SEMA6D: variants seen among roughly 807,000 people sequenced by gnomAD.
SEMA6D encodes the protein semaphorin 6D.
SEMA6D carries 35 observed loss-of-function variants against 106.6 expected under a neutral mutation model. The ratio of observed to expected loss-of-function variants is 0.33; its 90% CI spans 0.25 to 0.44. The LOEUF (loss-of-function observed/expected upper bound fraction) is 0.44. Ranked by LOEUF, SEMA6D falls within the 20% of genes least tolerant of loss-of-function variation. The pLI, the probability that SEMA6D is intolerant of heterozygous loss-of-function variation, is 1.00. For synonymous variants in SEMA6D, 499 were observed against 487.7 expected (o/e 1.02, Z -0.31); for missense variants, 1,185 against 1,345.9 (o/e 0.88, Z 1.87).
At chr15:47,521,829 C>T (rs989990840) in intron 3 of SEMA6D, among the ~76,000 whole-genome samples, 2 of 152,066 alleles carry the variant, frequency 1.3e-5, no homozygotes, top group Admixed American at 6.5e-5. Context: ...ACTAAAAATA[C>T]AAAAACTTAG....
chr15:47,689,206 T>C (rs1419737670), intron 4 of SEMA6D, among the ~76,000 whole-genome samples: 1 of 152,168 alleles, frequency 6.6e-6, no homozygotes, highest in Non-Finnish European at 1.5e-5. Context: ...ATATTCAGAT[T>C]CTTAAAATAT....
intron 2 of SEMA6D, among the ~76,000 whole-genome samples, chr15:47,445,888 G>C (rs967172076): frequency 6.6e-6 from 1 of 152,004 alleles, no homozygotes; most frequent in Non-Finnish European, 1.5e-5. Context: ...AGCTCACCTC[G>C]GACGCAGTTA....
chr15:47,765,448 A>G (rs1050067384), intron 13 of SEMA6D: 1 of 996,392 alleles, frequency 1.0e-6, no homozygotes, highest in Non-Finnish European at 1.2e-6. Flanking sequence ...TTTCCTTCCT[A>G]TCTTTAATAA....
At chr15:47,451,966 C>A (rs2042207540) in intron 2 of SEMA6D, among the ~76,000 whole-genome samples, 1 of 151,984 alleles carries the variant, frequency 6.6e-6, no homozygotes, top group African/African-American at 2.4e-5. Flanking sequence ...CATTGAATTG[C>A]TGTTCACTCC....
At chr15:47,366,038 G>A (rs1490989484) in intron 1 of SEMA6D, among the ~76,000 whole-genome samples, 4 of 152,168 alleles carry the variant, frequency 2.6e-5, no homozygotes, top group Non-Finnish European at 5.9e-5. Flanking sequence ...GATGACCTGG[G>A]TCAGTTATGA....
At chr15:47,535,096 CACACAAAAAA>C (rs1185918634) in intron 3 of SEMA6D, among the ~76,000 whole-genome samples, 108 of 148,274 alleles carry the variant, frequency 7.3e-4, no homozygotes, top group African/African-American at 1.5e-3. Flanking sequence ...CAAAAACACA[CACACAAAAAA>C]ACACAAAAAA....
At chr15:47,769,283 C>T (rs1272232126) in intron 18 of SEMA6D, among the ~76,000 whole-genome samples, 2 of 152,050 alleles carry the variant, frequency 1.3e-5, no homozygotes, top group Non-Finnish European at 2.9e-5. Context: ...AAATAGCTGC[C>T]TGTTGAGTTA....
chr15:47,763,935 T>G lies in SEMA6D; in HGVS notation c.833T>G (p.Leu278Arg). ...RVLEKHWTSF[L>R]KARLNCSVPG... ...CTGGAGAAACACTGGACTTCATTTC[T>G]AAAGGCTCGGCTGAACTGTTCTGTC... The change falls in exon 10 of 19, where the codon CTA becomes CGA. Residue 278 changes from leucine (L) to arginine (R), a missense_variant. By Grantham distance (102) the Leu-to-Arg change is moderately radical (BLOSUM62 -2). Around this residue, in one of 3 missense-constraint regions of SEMA6D, gnomAD observed 291 missense variants for 423.8 expected, o/e 0.69. Transcript: ENST00000536845. The G allele has an allele frequency of 6.2e-7, 1 of 1,614,028 alleles. No individual in the cohort carries two copies. Among genetic ancestry groups the G allele is most frequent in the Non-Finnish European group, 8.5e-7 (1 of 1,179,890 alleles).
intron 1 of SEMA6D, among the ~76,000 whole-genome samples, chr15:47,722,033 C>T (rs186441443): frequency 6.6e-6 from 1 of 152,220 alleles, no homozygotes; most frequent in Admixed American, 6.5e-5. Context: ...AAAGTTAACA[C>T]CCAGAACGGG....
At chr15:47,388,618 G>A (rs35175834) in intron 1 of SEMA6D, among the ~76,000 whole-genome samples, 33,396 of 152,024 alleles carry the variant, frequency 0.22, 3,952 homozygotes, top group Middle Eastern at 0.33. Flanking sequence ...GGTGTCAAGC[G>A]TCCACTGGGG....
intron 4 of SEMA6D, among the ~76,000 whole-genome samples, chr15:47,700,107 C>G (rs1000587877): frequency 1.3e-5 from 2 of 148,922 alleles, no homozygotes; most frequent in Non-Finnish European, 3.0e-5. Flanking sequence ...GAAAACTACA[C>G]AACTTTATTG....
chr15:47,740,436 C>T (rs1049362591), intron 1 of SEMA6D, among the ~76,000 whole-genome samples: 2 of 152,092 alleles, frequency 1.3e-5, no homozygotes, highest in African/African-American at 4.8e-5. Flanking sequence ...AGGAGGATCA[C>T]TTGAACCCGG....
intron 11 of SEMA6D, 139 bp downstream of exon 11, chr15:47,764,444 C>A: frequency 7.9e-7 from 1 of 1,260,682 alleles, no homozygotes; most frequent in Non-Finnish European, 1.1e-6. Flanking sequence ...GCAGACATAG[C>A]CTTGTGACCT....
chr15:47,260,484 G>A (rs368868922), intron 1 of SEMA6D, among the ~76,000 whole-genome samples: 7 of 152,100 alleles, frequency 4.6e-5, no homozygotes, highest in African/African-American at 1.7e-4. Context: ...ATCCATGCTA[G>A]TACTGCCTGA....
intron 1 of SEMA6D, among the ~76,000 whole-genome samples, chr15:47,729,603 A>G (rs1016135749): frequency 2.6e-5 from 4 of 152,184 alleles, no homozygotes; most frequent in Non-Finnish European, 5.9e-5. Flanking sequence ...ACCCCACTCC[A>G]TCTGCTGATA....
chr15:47,703,557 A>G (rs576498177), intron 4 of SEMA6D, among the ~76,000 whole-genome samples: 4 of 152,312 alleles, frequency 2.6e-5, no homozygotes, highest in African/African-American at 7.2e-5. Context: ...CCAATTTGTG[A>G]CAATTTCCAG....
chr15:47,222,574 C>T (rs1414137551), intron 1 of SEMA6D, among the ~76,000 whole-genome samples: 1 of 152,140 alleles, frequency 6.6e-6, no homozygotes, highest in Non-Finnish European at 1.5e-5. Context: ...CACACCAAAA[C>T]AAAACAGTTA....
intron 2 of SEMA6D, among the ~76,000 whole-genome samples, chr15:47,467,529 A>G (rs1308612341): frequency 1.3e-5 from 2 of 152,146 alleles, no homozygotes; most frequent in Non-Finnish European, 2.9e-5. Context: ...TCTGGAAACT[A>G]ACTACTGGAA....
chr15:47,389,598 C>T (rs760933939), intron 1 of SEMA6D, among the ~76,000 whole-genome samples: 6 of 152,128 alleles, frequency 3.9e-5, no homozygotes, highest in Non-Finnish European at 8.8e-5. Flanking sequence ...ACTTTCAATG[C>T]AAACCTTCAA....
Sources: gnomAD v4.1 joint callset for allele counts (sites outside exome capture counted in the v4.1 genomes callset) on GRCh38, gnomAD v4.1.1 for gene constraint, gnomAD v4.1.1 regional missense constraint, MANE v1.5 for transcripts, NCBI Gene and HGNC (gene_info 2026-07-23, HGNC 2026-07-21) for gene names.